Variants in TAOK3 observed in about 807,000 individuals in gnomAD.
TAOK3 encodes serine/threonine-protein kinase TAO3.
A neutral mutation model predicts 120.4 loss-of-function variants in TAOK3; 40 were observed. The ratio of observed to expected loss-of-function variants is 0.33; its 90% CI spans 0.26 to 0.43. The LOEUF is 0.43. TAOK3 is among the 20% of genes least tolerant of loss of function. The pLI is 1.00. For missense variants in TAOK3, 821 were observed against 1,112.1 expected (o/e 0.74, Z 3.72); for synonymous variants, 355 against 387.5 (o/e 0.92, Z 0.99).
chr12:118,172,030 A>G (rs1031941875), intron 17 of TAOK3, among the ~76,000 whole-genome samples: 1 of 152,220 alleles, frequency 6.6e-6, no homozygotes, highest in Non-Finnish European at 1.5e-5. Context: ...CCTGGTGTCT[A>G]GCACTCACTC....
chr12:118,250,689 C>T (rs2040711907), intron 3 of TAOK3, among the ~76,000 whole-genome samples: 2 of 152,240 alleles, frequency 1.3e-5, no homozygotes, highest in South Asian at 4.1e-4. Context: ...CCTATCTCTC[C>T]TCTAGGAGGA....
chr12:118,248,117 T>C (rs895814206), intron 3 of TAOK3, among the ~76,000 whole-genome samples: 2 of 152,030 alleles, frequency 1.3e-5, no homozygotes, highest in African/African-American at 4.8e-5. Flanking sequence ...TTCTTTATGA[T>C]TTTTAAAAAC....
chr12:118,272,291 C>CAAAAAA (rs773516018), intron 1 of TAOK3, among the ~76,000 whole-genome samples: 6 of 64,130 alleles, frequency 9.4e-5, no homozygotes, highest in Non-Finnish European at 1.3e-4. Context: ...GACTCCATCT[C>CAAAAAA]AAAAAAAAAA....
intron 1 of TAOK3, among the ~76,000 whole-genome samples, chr12:118,295,596 A>T (rs1593447247): frequency 6.6e-6 from 1 of 152,214 alleles, no homozygotes; most frequent in Non-Finnish European, 1.5e-5. Context: ...TTGAAGGCAG[A>T]AATGGTCTTT....
chr12:118,361,037 C>T (rs1281444069), intron 1 of TAOK3, among the ~76,000 whole-genome samples: 1 of 152,220 alleles, frequency 6.6e-6, no homozygotes, highest in Admixed American at 6.5e-5. Context: ...AACCCAATTA[C>T]TTGTATATGC....
At chr12:118,328,122 T>G (rs919475712) in intron 1 of TAOK3, among the ~76,000 whole-genome samples, 1 of 151,984 alleles carries the variant, frequency 6.6e-6, no homozygotes, top group Non-Finnish European at 1.5e-5. Flanking sequence ...GGTGCGATTT[T>G]GGCTCACTGC....
intron 2 of TAOK3, among the ~76,000 whole-genome samples, chr12:118,265,320 T>C (rs1174839210): frequency 2.2e-5 from 3 of 138,304 alleles, no homozygotes; most frequent in Non-Finnish European, 4.5e-5. Context: ...ACCCAGGAGG[T>C]GGAGGTTGTA....
chr12:118,368,721 G>A (rs183420451), intron 1 of TAOK3, among the ~76,000 whole-genome samples: 20 of 150,492 alleles, frequency 1.3e-4, no homozygotes, highest in African/African-American at 4.8e-4. Flanking sequence ...CAGGAGAATC[G>A]CTGGAACCAG....
At chr12:118,247,919 T>C (rs781412265) in intron 3 of TAOK3, among the ~76,000 whole-genome samples, 1 of 152,178 alleles carries the variant, frequency 6.6e-6, no homozygotes, top group Non-Finnish European at 1.5e-5. Context: ...ATACCCCTAA[T>C]GTAAGTAAGC....
intron 9 of TAOK3, among the ~76,000 whole-genome samples, chr12:118,232,584 C>T (rs1239216725): frequency 3.3e-5 from 5 of 152,094 alleles, no homozygotes; most frequent in Non-Finnish European, 7.4e-5. Context: ...TGTTAACTGC[C>T]ATATCTGCTT....
At chr12:118,187,124 T>C (rs993131366) in intron 14 of TAOK3, among the ~76,000 whole-genome samples, 2 of 152,254 alleles carry the variant, frequency 1.3e-5, no homozygotes, top group African/African-American at 4.8e-5. Context: ...ATCTAGTTAT[T>C]GAAAAACTAA....
chr12:118,299,664 C>G (rs2042806309), intron 1 of TAOK3, among the ~76,000 whole-genome samples: 1 of 152,076 alleles, frequency 6.6e-6, no homozygotes. Flanking sequence ...TGCACACCAC[C>G]ACGCCCGACT....
At chr12:118,221,998 TA>T (rs75817256) in intron 9 of TAOK3, among the ~76,000 whole-genome samples, 8,175 of 152,072 alleles carry the variant, frequency 0.054, 454 homozygotes, top group East Asian at 0.25. Flanking sequence ...CTAGCTACAT[TA>T]AAAGAAAAAA....
chr12:118,262,773 G>T (rs1330330228), intron 2 of TAOK3, among the ~76,000 whole-genome samples: 2 of 148,672 alleles, frequency 1.3e-5, no homozygotes, highest in African/African-American at 2.5e-5. Flanking sequence ...GTTGTAGTGA[G>T]CTGAGATCGT....
chr12:118,307,231 C>G (rs370453279), intron 1 of TAOK3, among the ~76,000 whole-genome samples: 23 of 151,946 alleles, frequency 1.5e-4, no homozygotes, highest in Non-Finnish European at 2.8e-4. Context: ...TTCCCCCCCC[C>G]ATCTCTGGAG....
chr12:118,236,205 T>A (rs968544968), intron 7 of TAOK3: 9 of 153,508 alleles, frequency 5.9e-5, no homozygotes, highest in African/African-American at 2.2e-4. Context: ...TGTCTTTAAT[T>A]GTAACTGCAA....
At chr12:118,321,380 C>A (rs1447306380) in intron 1 of TAOK3, among the ~76,000 whole-genome samples, 1 of 152,082 alleles carries the variant, frequency 6.6e-6, no homozygotes, top group Non-Finnish European at 1.5e-5. Context: ...CCCACCTCAG[C>A]CCTCTAAGAA....
chr12:118,322,312 C>CAAAAAAAAAAAAAAAAAAAAAAATAAAAA, intron 1 of TAOK3, among the ~76,000 whole-genome samples: 1 of 65,872 alleles, frequency 1.5e-5, no homozygotes, highest in Non-Finnish European at 2.9e-5. Flanking sequence ...GAGACTGTCT[C>CAAAAAAAAAAAAAAAAAAAAAAATAAAAA]AAAAAAAAAA....
At chr12:118,340,739 T>C (rs2044580743) in intron 1 of TAOK3, among the ~76,000 whole-genome samples, 1 of 149,040 alleles carries the variant, frequency 6.7e-6, no homozygotes, top group South Asian at 2.1e-4. Flanking sequence ...ATTTCATCTA[T>C]AAATATTCAG....
Sources: allele counts gnomAD v4.1 joint callset (sites outside exome capture counted in the v4.1 genomes callset), GRCh38; gene constraint gnomAD v4.1.1; transcripts MANE v1.5; gene names NCBI Gene and HGNC (gene_info 2026-07-23, HGNC 2026-07-21).